The following FMN1 variants were observed in gnomAD, a reference collection of about 807,000 sequenced individuals.
The protein encoded by FMN1 is formin 1.
Under a neutral mutation model 132.4 loss-of-function variants are expected in FMN1, and 110 were observed. The observed-to-expected ratio is 0.83, with a 90% CI of 0.71 to 0.97. The LOEUF is 0.97. Ranked by LOEUF, FMN1 falls within the 50% of genes least tolerant of loss-of-function variation. The pLI, the probability that FMN1 is intolerant of heterozygous loss-of-function variation, is 0.00. For synonymous variants in FMN1, 722 were observed against 651.7 expected, an observed-to-expected ratio of 1.11 and a Z score of -1.64; for missense variants, 1,792 against 1,705.3, an observed-to-expected ratio of 1.05 and a Z score of -0.90.
At chr15:32,866,495 T>C (rs2141348176) in intron 16 of FMN1, among the ~76,000 whole-genome samples, 1 of 152,342 alleles carries the variant, frequency 6.6e-6, no homozygotes, top group East Asian at 1.9e-4. Flanking sequence ...GATAACATAC[T>C]GTACGCGGCT....
At chr15:32,929,981 A>G (rs868732074) in intron 9 of FMN1, among the ~76,000 whole-genome samples, 1 of 91,970 alleles carries the variant, frequency 1.1e-5, no homozygotes, top group Non-Finnish European at 2.0e-5. Flanking sequence ...CTATTTTTAA[A>G]TTTTTTTTTT....
At chr15:32,980,045 C>G (rs749855853) in intron 7 of FMN1, among the ~76,000 whole-genome samples, 4 of 151,438 alleles carry the variant, frequency 2.6e-5, no homozygotes, top group Admixed American at 1.3e-4. Flanking sequence ...ATAGGCAAAT[C>G]GACAGGGCAA....
intron 19 of FMN1, among the ~76,000 whole-genome samples, chr15:32,783,433 A>G (rs571299526): frequency 6.6e-6 from 1 of 152,104 alleles, no homozygotes; most frequent in South Asian, 2.1e-4. Flanking sequence ...GTTCTTGCCT[A>G]GTCTTGACTC....
At position 33,018,974 on chromosome 15, in the gene FMN1, G is replaced by A. The variant is rs117210811; in HGVS notation, c.2162-10899C>T. Among the ~76,000 whole-genome samples, 1,211 of 152,306 alleles carry A rather than the reference G, an allele frequency of 8.0e-3. 5 individuals are homozygous for A. The highest frequency in any genetic ancestry group is 0.014 in the Middle Eastern group (4 of 294). ...TCATAAAGACAATGTGGGCCCAAAG[G>A]AGTGAGCAGCAGCAAGATTTATTGC... On this transcript the variant is annotated intron_variant, in intron 6 of 20. Coordinates refer to ENST00000616417, the MANE Select transcript of FMN1 (RefSeq NM_001277313.2).
intron 4 of FMN1, among the ~76,000 whole-genome samples, chr15:33,118,851 T>C (rs1457356603): frequency 6.6e-6 from 1 of 151,232 alleles, no homozygotes; most frequent in East Asian, 1.9e-4. Flanking sequence ...GTCACATTCA[T>C]ACTCCAAAGT....
At chr15:32,952,502 C>CGG (rs2061675974) in intron 9 of FMN1, among the ~76,000 whole-genome samples, 1 of 152,166 alleles carries the variant, frequency 6.6e-6, no homozygotes, top group Non-Finnish European at 1.5e-5. Context: ...AAACCACACC[C>CGG]AAGGTGAAGG....
chr15:32,873,593 G>A (rs539227971), intron 16 of FMN1, among the ~76,000 whole-genome samples: 10 of 152,270 alleles, frequency 6.6e-5, no homozygotes, highest in Admixed American at 5.2e-4. Context: ...GTGGTTATAC[G>A]TAAAGTGAGT....
At chr15:33,166,291 C>T (rs1965103763) in intron 3 of FMN1, among the ~76,000 whole-genome samples, 1 of 151,756 alleles carries the variant, frequency 6.6e-6, no homozygotes, top group African/African-American at 2.4e-5. Flanking sequence ...GTTTCCACTA[C>T]CCTAGTACCA....
intron 16 of FMN1, among the ~76,000 whole-genome samples, chr15:32,862,657 G>T (rs1024192157): frequency 2.6e-5 from 4 of 152,208 alleles, no homozygotes; most frequent in Non-Finnish European, 5.9e-5. Flanking sequence ...AGGCAGGTTA[G>T]AAAAATGTAG....
chr15:32,919,543 A>G (rs1367775242), intron 10 of FMN1, among the ~76,000 whole-genome samples: 3 of 152,358 alleles, frequency 2.0e-5, no homozygotes, highest in Non-Finnish European at 1.5e-5. Context: ...ACATTTAAAA[A>G]TATTACTAAT....
At chr15:32,874,070 G>A (rs937683588) in intron 16 of FMN1, among the ~76,000 whole-genome samples, 1 of 141,354 alleles carries the variant, frequency 7.1e-6, no homozygotes, top group African/African-American at 2.7e-5. Context: ...TCACCAGGCT[G>A]CAGTGCAATG....
At position 33,153,660 on chromosome 15, in the gene FMN1, T is replaced by C; in HGVS notation, c.1255A>G (p.Lys419Glu). ...VSASAEGAVN[K>E]VPLKVIESEK... The stretch of plus-strand genomic sequence containing the variant: ...CTCTCTATCACCTTCAGGGGGACCT[T>C]GTTCACGGCCCCCTCGGCACTGGCC... Residue 419 changes from lysine (K) to glutamate (E), a missense_variant, in exon 4 of 21, where the codon AAG becomes GAG. Physicochemically the swap from Lys to Glu is moderately conservative, Grantham distance 56 (BLOSUM62 1). This residue lies in a region of FMN1 where 638 missense variants were observed against 645.2 expected (regional missense o/e 0.99). Coordinates refer to ENST00000616417, the MANE Select transcript of FMN1 (RefSeq NM_001277313.2). The C allele has an allele frequency of 6.5e-7, 1 of 1,536,318 alleles. No homozygotes were observed. The highest frequency in any genetic ancestry group is 8.7e-7 in the Non-Finnish European group (1 of 1,146,958).
At chr15:33,084,752 G>C (rs1273489658) in intron 5 of FMN1, among the ~76,000 whole-genome samples, 3 of 152,132 alleles carry the variant, frequency 2.0e-5, no homozygotes, top group South Asian at 4.1e-4. Context: ...TCTTCTCATA[G>C]TTTAGTAACT....
At chr15:33,044,220 G>T (rs529537809) in intron 6 of FMN1, among the ~76,000 whole-genome samples, 1 of 152,350 alleles carries the variant, frequency 6.6e-6, no homozygotes, top group South Asian at 2.1e-4. Context: ...GCCTGCAGGT[G>T]CCCCTTGGCA....
intron 9 of FMN1, among the ~76,000 whole-genome samples, chr15:32,957,505 C>G (rs2029945761): frequency 6.6e-6 from 1 of 151,886 alleles, no homozygotes. Context: ...ATATGTACTA[C>G]TAGATGTCCG....
chr15:33,149,223 A>G (rs1422406504), intron 4 of FMN1, among the ~76,000 whole-genome samples: 1 of 152,174 alleles, frequency 6.6e-6, no homozygotes, highest in Non-Finnish European at 1.5e-5. Flanking sequence ...GTGTTCTTCC[A>G]CACTCATCTC....
At chr15:33,000,753 T>C (rs181098935) in intron 7 of FMN1, among the ~76,000 whole-genome samples, 5 of 152,354 alleles carry the variant, frequency 3.3e-5, no homozygotes, top group Admixed American at 2.0e-4. Flanking sequence ...AAGGATTATG[T>C]TGGAAATAAG....
chr15:32,923,677 T>C (rs1352871748), intron 10 of FMN1, among the ~76,000 whole-genome samples: 1 of 152,178 alleles, frequency 6.6e-6, no homozygotes, highest in East Asian at 1.9e-4. Context: ...AAGGTCTGGA[T>C]CGACAAATAT....
In FMN1 at chr15:32,964,036, CACACACACACACAT is replaced by C. The variant is rs2030918094; in HGVS notation, c.3138+57_3138+70del. The stretch of plus-strand genomic sequence containing the variant: ...TACGATACACACACACACACACACA[CACACACACACACAT>C]ATATACCATTTCCCTGTATAATATA... On this transcript the variant is annotated intron_variant, in intron 9 of 20. Transcript: ENST00000616417. 5 of 1,087,700 alleles carry C rather than the reference CACACACACACACAT, an allele frequency of 4.6e-6. No individual in the cohort carries two copies. In the African/African-American group the frequency reaches 6.5e-5, roughly 14 times the overall value. The allele number at this position is 1,087,700 out of a possible 1,614,324, so 67.4% of individuals were successfully genotyped here.
Sources: gnomAD v4.1 joint callset for allele counts (sites outside exome capture counted in the v4.1 genomes callset) on GRCh38, gnomAD v4.1.1 for gene constraint, gnomAD v4.1.1 regional missense constraint, MANE v1.5 for transcripts, NCBI Gene and HGNC (gene_info 2026-07-23, HGNC 2026-07-21) for gene names.